ARHGEF28: variants seen among roughly 807,000 people sequenced by gnomAD.
ARHGEF28 encodes the protein 190 kDa guanine nucleotide exchange factor.
Under a neutral mutation model 206.6 loss-of-function variants are expected in ARHGEF28, and 152 were observed. The observed-to-expected ratio is 0.74, with a 90% confidence interval of 0.64 to 0.84. The LOEUF is 0.84. ARHGEF28 is among the 40% of genes least tolerant of loss of function. ARHGEF28 has a pLI of 0.00. For missense variants in ARHGEF28, 2,028 were observed against 2,073.2 expected (o/e 0.98, Z 0.42); for synonymous variants, 763 against 776.4 (o/e 0.98, Z 0.29).
At chr5:73,856,105 T>C (rs1258100756) in intron 14 of ARHGEF28, among the ~76,000 whole-genome samples, 1 of 149,320 alleles carries the variant, frequency 6.7e-6, no homozygotes, top group African/African-American at 2.4e-5. Flanking sequence ...ATGTATTTTT[T>C]CCCCCAATTT....
intron 9 of ARHGEF28, among the ~76,000 whole-genome samples, chr5:73,825,361 G>A (rs1242979588): frequency 6.6e-6 from 1 of 152,202 alleles, no homozygotes; most frequent in Non-Finnish European, 1.5e-5. Flanking sequence ...CCTGCTGGAA[G>A]GTGGAGCAGC....
intron 2 of ARHGEF28, among the ~76,000 whole-genome samples, chr5:73,690,831 A>G (rs911125496): frequency 1.3e-5 from 2 of 152,224 alleles, no homozygotes; most frequent in Non-Finnish European, 2.9e-5. Flanking sequence ...TTTTTCCTCA[A>G]TTAAAATGGC....
At chr5:73,860,848 G>T (rs1445244022) in intron 16 of ARHGEF28, among the ~76,000 whole-genome samples, 2 of 152,052 alleles carry the variant, frequency 1.3e-5, no homozygotes, top group African/African-American at 2.4e-5. Context: ...TAGACCCCTA[G>T]GCCCCCCTTC....
rs76311451 is a variant in ARHGEF28 at position 73,819,685 on chromosome 5, T to G, written c.1025-12653T>G. ...TCCTGCCTGTGTTCTGGGCCCTTGT[T>G]GTTGCCCAGGTTCCTGCCTCTCAAG... is the stretch of plus-strand genomic sequence containing the variant. On this transcript the variant is annotated intron_variant, in intron 9 of 35. Coordinates refer to ENST00000513042, the MANE Select transcript of ARHGEF28 (RefSeq NM_001177693.2). 4.0e-3 allele frequency among the ~76,000 whole-genome samples: 603 copies of G among 152,290 alleles called. 4 individuals are homozygous for G. The highest frequency in any genetic ancestry group is 0.014 in the African/African-American group (593 of 41,568).
intron 33 of ARHGEF28, among the ~76,000 whole-genome samples, chr5:73,906,006 T>C (rs1365184026): frequency 6.6e-6 from 1 of 152,168 alleles, no homozygotes; most frequent in African/African-American, 2.4e-5. Flanking sequence ...TAAAAGAAAA[T>C]AAAATGAAGC....
intron 1 of ARHGEF28, among the ~76,000 whole-genome samples, chr5:73,636,491 CT>C (rs2112128237): frequency 6.6e-6 from 1 of 152,212 alleles, no homozygotes; most frequent in Non-Finnish European, 1.5e-5. Flanking sequence ...TGTGTTGCAC[CT>C]TTGTGGACAG....
At chr5:73,868,783 A>G (rs1013129512) in intron 20 of ARHGEF28, among the ~76,000 whole-genome samples, 1 of 152,104 alleles carries the variant, frequency 6.6e-6, no homozygotes, top group African/African-American at 2.4e-5. Flanking sequence ...AGTAGCTAGG[A>G]GTACAGGTGC....
At chr5:73,687,424 T>A (rs906943168) in intron 2 of ARHGEF28, among the ~76,000 whole-genome samples, 21 of 152,072 alleles carry the variant, frequency 1.4e-4, no homozygotes, top group Admixed American at 1.2e-3. Flanking sequence ...TAACATTTTT[T>A]AATTTAATTT....
intron 10 of ARHGEF28, among the ~76,000 whole-genome samples, chr5:73,834,338 C>T (rs72772515): frequency 2.0e-5 from 3 of 152,080 alleles, no homozygotes; most frequent in African/African-American, 7.2e-5. Context: ...TTCACCATTT[C>T]CCCCACCCTC....
At chr5:73,741,527 C>A (rs1181754137) in intron 2 of ARHGEF28, among the ~76,000 whole-genome samples, 2 of 149,900 alleles carry the variant, frequency 1.3e-5, no homozygotes, top group East Asian at 3.9e-4. Flanking sequence ...TCAAGCGATT[C>A]TCTTTTCTCA....
chr5:73,797,134 A>G (rs1414926819), intron 9 of ARHGEF28, among the ~76,000 whole-genome samples: 1 of 152,216 alleles, frequency 6.6e-6, no homozygotes, highest in Non-Finnish European at 1.5e-5. Flanking sequence ...GAGAAAGATA[A>G]ATGAGCACAA....
intron 2 of ARHGEF28, among the ~76,000 whole-genome samples, chr5:73,723,411 C>T (rs1296893107): frequency 1.3e-5 from 2 of 152,166 alleles, no homozygotes; most frequent in African/African-American, 2.4e-5. Flanking sequence ...TGGTCTCAAT[C>T]TCTTGACCTC....
At chr5:73,707,479 A>G (rs1749004567) in intron 2 of ARHGEF28, among the ~76,000 whole-genome samples, 1 of 152,194 alleles carries the variant, frequency 6.6e-6, no homozygotes, top group Admixed American at 6.5e-5. Flanking sequence ...AGAGTGGGCT[A>G]GCTGGGGAGT....
intron 1 of ARHGEF28, among the ~76,000 whole-genome samples, chr5:73,632,179 G>A (rs544371790): frequency 2.2e-4 from 34 of 152,296 alleles, no homozygotes; most frequent in Middle Eastern, 6.8e-3. Context: ...CTGGGTATCC[G>A]ATGTGGATTG....
At chr5:73,849,155 G>A (rs1180377459) in intron 13 of ARHGEF28, 68 bp downstream of exon 13, 3 of 1,121,942 alleles carry the variant, frequency 2.7e-6, no homozygotes, top group Non-Finnish European at 3.8e-6. Context: ...GTTAGTATAA[G>A]TACATAAAAT....
chr5:73,928,419 A>C (rs1763934795), intron 35 of ARHGEF28, among the ~76,000 whole-genome samples: 1 of 152,200 alleles, frequency 6.6e-6, no homozygotes. Flanking sequence ...CTTTCTCAAA[A>C]AACAACAACA....
At chr5:73,919,049 C>T (rs441423) in intron 35 of ARHGEF28, among the ~76,000 whole-genome samples, 15,705 of 152,140 alleles carry the variant, frequency 0.1, 1,026 homozygotes, top group South Asian at 0.21. Flanking sequence ...CGTGGGATCC[C>T]TAAGTCTTAG....
intron 2 of ARHGEF28, among the ~76,000 whole-genome samples, chr5:73,695,815 T>C (rs921448370): frequency 6.6e-6 from 1 of 152,182 alleles, no homozygotes; most frequent in Non-Finnish European, 1.5e-5. Flanking sequence ...GACTTTATCA[T>C]GTCTTTCAAG....
intron 2 of ARHGEF28, among the ~76,000 whole-genome samples, chr5:73,749,065 T>C (rs1173953619): frequency 6.6e-6 from 1 of 152,182 alleles, no homozygotes; most frequent in Non-Finnish European, 1.5e-5. Context: ...CTCCTCTCCT[T>C]GGGACCAAGG....
Sources: gnomAD v4.1 joint callset for allele counts (sites outside exome capture counted in the v4.1 genomes callset) on GRCh38, gnomAD v4.1.1 for gene constraint, MANE v1.5 for transcripts, NCBI Gene and HGNC (gene_info 2026-07-23, HGNC 2026-07-21) for gene names.